The following OTOF variants were observed in gnomAD, a reference collection of about 807,000 sequenced individuals.
OTOF encodes fer-1-like family member 2.
OTOF carries 218 observed loss-of-function variants against 236.8 expected under a neutral mutation model. The ratio of observed to expected loss-of-function variants is 0.92; its 90% CI spans 0.82 to 1.03. The LOEUF (loss-of-function observed/expected upper bound fraction) is 1.03, where lower values mean the gene tolerates loss of function less well. Among genes scored for constraint, OTOF ranks in the 50% least tolerant of loss-of-function variants. OTOF has a pLI of 0.00. For synonymous variants in OTOF, 1,041 were observed against 1,072.5 expected (o/e 0.97, Z 0.57); for missense variants, 2,590 against 2,694.4 (o/e 0.96, Z 0.86).
intron 3 of OTOF, among the ~76,000 whole-genome samples, chr2:26,519,783 T>A (rs1394086315): frequency 2.0e-5 from 3 of 152,320 alleles, no homozygotes; most frequent in Admixed American, 2.0e-4. Context: ...TAAGATGAGC[T>A]GATAAGCCCT....
In OTOF at chr2:26,476,129, G is replaced by A. The variant is rs1414716862; in HGVS notation, c.2865C>T (p.Thr955=). 6.2e-7 allele frequency: 1 copy of A among 1,611,434 alleles called. No homozygotes were observed. The highest frequency in any genetic ancestry group is 8.5e-7 in the Non-Finnish European group (1 of 1,179,470). ...HAFPPVSLVY[T]KKQAFQLRAH... Reference sequence around the variant, plus strand: ...TTCGAGTGAGGGGTCCTCACTCACTGGTGTAGACCAGGCTGACGGGTGGGA... The same window carrying A: ...TTCGAGTGAGGGGTCCTCACTCACTAGTGTAGACCAGGCTGACGGGTGGGA... The change falls in exon 23 of 47, where the codon ACC becomes ACT. Residue 955 remains threonine, a splice_region_variant and synonymous_variant. Transcript: ENST00000272371.
At chr2:26,546,513 G>T (rs900891758) in intron 1 of OTOF, among the ~76,000 whole-genome samples, 1 of 151,746 alleles carries the variant, frequency 6.6e-6, no homozygotes, top group African/African-American at 2.4e-5. Flanking sequence ...GTTGTTCAGG[G>T]GTCAGCTGTG....
Position 26,520,715 on chromosome 2 carries a change from G to T in OTOF, c.228-1606C>A, listed in dbSNP as rs531898013. On this transcript the variant is annotated intron_variant, in intron 3 of 46. Transcript: ENST00000272371. ...GGAGCCCTGGAGCTGCTGCCCCTGAGTCTCAATTTGGTCTTTATAAAATGA... is the reference window on the plus strand; with the variant it reads ...GGAGCCCTGGAGCTGCTGCCCCTGATTCTCAATTTGGTCTTTATAAAATGA... 2.6e-5 allele frequency among the ~76,000 whole-genome samples: 4 copies of T among 152,326 alleles called. No homozygotes were observed. The East Asian group carries it at 7.7e-4, about 29-fold the overall frequency.
At position 26,479,536 on chromosome 2, in the gene OTOF, C is replaced by A. The variant is rs1665464763; in HGVS notation, c.2030G>T (p.Gly677Val). 1 of 1,610,254 alleles carries A rather than the reference C, an allele frequency of 6.2e-7. No individual in the cohort carries two copies. The highest frequency in any genetic ancestry group is 8.5e-7 in the Non-Finnish European group (1 of 1,179,024). Reference protein sequence around the residue: ...LIQNASDDEAGDAGDLASVSS... With the variant: ...LIQNASDDEAVDAGDLASVSS... ...GACTGAGGCCAGGTCCCCGGCATCA[C>A]CGGCCTCGTCATCACTTGCGTTCTG... Residue 677 changes from glycine (G) to valine (V), a missense_variant, in exon 17 of 47, where the codon GGT becomes GTT. Physicochemically the swap from Gly to Val is moderately radical, Grantham distance 109 (BLOSUM62 -3). This residue lies in a region of OTOF where 1,379 missense variants were observed against 1,341.6 expected (regional missense o/e 1.03). Coordinates refer to ENST00000272371, the MANE Select transcript of OTOF (RefSeq NM_194248.3).
At chr2:26,537,954 C>G (rs1667114838) in intron 1 of OTOF, among the ~76,000 whole-genome samples, 180 bp from the exon 2 acceptor site, 1 of 152,206 alleles carries the variant, frequency 6.6e-6, no homozygotes, top group South Asian at 2.1e-4. Flanking sequence ...TCTTCTCTGA[C>G]CCTCTCAGCA....
At chr2:26,501,902 G>C in intron 7 of OTOF, 94 bp from the exon 8 acceptor site, 1 of 889,828 alleles carries the variant, frequency 1.1e-6, no homozygotes, top group East Asian at 2.4e-5. Context: ...AGTGGGCAGA[G>C]GGACAGAATC....
At chr2:26,518,195 C>T (rs1183475698) in intron 4 of OTOF, among the ~76,000 whole-genome samples, 1 of 152,230 alleles carries the variant, frequency 6.6e-6, no homozygotes, top group African/African-American at 2.4e-5. Flanking sequence ...CCATTTTATA[C>T]ATAGGTAAAC....
At position 26,465,952 on chromosome 2, in the gene OTOF, C is replaced by T; in HGVS notation, c.4625G>A (p.Gly1542Glu). ...GGAGGGCACCAAGAAGCCTTACTTCCCAAAGACAGGGTTGAGCTGCTTGGA... is the reference window on the plus strand; with the variant it reads ...GGAGGGCACCAAGAAGCCTTACTTCTCAAAGACAGGGTTGAGCTGCTTGGA... ...YISKQLNPVF[G>E]KSFDIEASFP... Residue 1542 changes from glycine (G) to glutamate (E), a missense_variant, in exon 37 of 47, where the codon GGG becomes GAG. Coordinates refer to ENST00000272371, the MANE Select transcript of OTOF (RefSeq NM_194248.3). 1 of 1,614,212 alleles carries T rather than the reference C, an allele frequency of 6.2e-7. No homozygotes were observed. Among genetic ancestry groups the T allele is most frequent in the Non-Finnish European group, 8.5e-7 (1 of 1,180,036 alleles).
chr2:26,460,993 G>A lies in OTOF; in HGVS notation c.5571C>T (p.Gly1857=), dbSNP rs1301178911. The change falls in exon 44 of 47, where the codon GGC becomes GGT. Residue 1857 remains glycine, a synonymous_variant. Transcript: ENST00000272371. This position sits in a 1 kb window ranked among gnomAD's most constrained non-coding sequence, Gnocchi z 5.3. ...TGGTGCACTGCTTGGCTGTCTTTGC[G>A]CCCCGCGGGAACCGGTTCAGGTCCA... ...IELDLNRFPR[G]AKTAKQCTME... 18 of 1,487,628 alleles carry A rather than the reference G, an allele frequency of 1.2e-5. No individual in the cohort carries two copies. Among genetic ancestry groups the A allele is most frequent in the Middle Eastern group, 1.8e-4 (1 of 5,432 alleles). The allele number at this position is 1,487,628 out of a possible 1,614,324, so 92.2% of individuals were successfully genotyped here. A position where few individuals can be genotyped will look rare whatever the true frequency, so the allele number is the denominator to read the frequency against.
rs1665657772 is a variant in OTOF, at chr2:26,484,647, G to A, written c.1046-14C>T. 6.2e-7 allele frequency: 1 copy of A among 1,613,236 alleles called. No individual in the cohort carries two copies. ...GGAACTGGTGCTCTGCAATGATGAG[G>A]GGTGGGCACTGCACCAGACACCCCC... On this transcript the variant is annotated splice_polypyrimidine_tract_variant and intron_variant, in intron 11 of 46. Coordinates refer to ENST00000272371, the MANE Select transcript of OTOF (RefSeq NM_194248.3).
At chr2:26,504,329 G>C (rs1452469145) in intron 5 of OTOF, among the ~76,000 whole-genome samples, 1 of 152,136 alleles carries the variant, frequency 6.6e-6, no homozygotes, top group Non-Finnish European at 1.5e-5. Flanking sequence ...GAGGACTCAG[G>C]GGCAGAGGCC....
At chr2:26,500,737 G>A (rs546304986) in intron 8 of OTOF, among the ~76,000 whole-genome samples, 1 of 152,298 alleles carries the variant, frequency 6.6e-6, no homozygotes, top group East Asian at 1.9e-4. Flanking sequence ...AGAAAACATG[G>A]CCAGATGTAC....
At position 26,483,680 on chromosome 2, in the gene OTOF, C is replaced by T. The variant is rs1420576186; in HGVS notation, c.1206-32G>A. 1.9e-6 allele frequency: 3 copies of T among 1,597,244 alleles called. No homozygotes were observed. The African/African-American group carries it at 4.0e-5, about 21-fold the overall frequency. Reference sequence around the variant, plus strand: ...GCACATACAGCCAGGGCCATGGTCACCAGGTCCAGGTCCCCAACCCCCATC... The same window carrying T: ...GCACATACAGCCAGGGCCATGGTCATCAGGTCCAGGTCCCCAACCCCCATC... On this transcript the variant is annotated intron_variant, in intron 12 of 46. Transcript: ENST00000272371.
At chr2:26,483,338 C>A in intron 13 of OTOF, 124 bp downstream of exon 13, 1 of 902,414 alleles carries the variant, frequency 1.1e-6, no homozygotes, top group Non-Finnish European at 1.8e-6. Flanking sequence ...CTAAGTCCGT[C>A]CCTGGCCAAC....
At chr2:26,551,481 C>T (rs1280599293) in intron 1 of OTOF, among the ~76,000 whole-genome samples, 1 of 152,234 alleles carries the variant, frequency 6.6e-6, no homozygotes, top group Non-Finnish European at 1.5e-5. Flanking sequence ...GACTCTGGCT[C>T]ACGCACTGGG....
Position 26,474,606 on chromosome 2 carries a change from G to T in OTOF, c.3195C>A (p.Cys1065Ter). The change falls in exon 26 of 47, where the codon TGC (cysteine) becomes TGA (stop). Residue 1065 changes from cysteine to a stop codon, truncating the protein, a stop_gained. Coordinates refer to ENST00000272371, the MANE Select transcript of OTOF (RefSeq NM_194248.3). LOFTEE classifies it high-confidence loss of function. The stretch of plus-strand genomic sequence containing the variant: ...CGAGCTGAGGTGGGAAGCGGGGTGG[G>T]CAGTACGCCTCGTCTGCCATCTTCA... ...PLVKMADEAYCPPRFPPQLEY... is the reference protein window; with the variant it reads ...PLVKMADEAY 1 of 1,613,304 alleles carries T rather than the reference G, an allele frequency of 6.2e-7. No homozygotes were observed. Among genetic ancestry groups the T allele is most frequent in the Non-Finnish European group, 8.5e-7 (1 of 1,179,984 alleles).
chr2:26,553,979 T>G (rs1354211917), intron 1 of OTOF, among the ~76,000 whole-genome samples: 1 of 151,998 alleles, frequency 6.6e-6, no homozygotes, highest in East Asian at 1.9e-4. Context: ...GAGACCAGCC[T>G]GGGAAATATG....
intron 2 of OTOF, among the ~76,000 whole-genome samples, chr2:26,535,566 G>A (rs1667049401): frequency 6.6e-6 from 1 of 152,106 alleles, no homozygotes; most frequent in Non-Finnish European, 1.5e-5. Flanking sequence ...CACTTTCCCC[G>A]GGCAGGAGCC....
chr2:26,463,234 G>A (rs1664566620), intron 41 of OTOF, among the ~76,000 whole-genome samples: 1 of 152,180 alleles, frequency 6.6e-6, no homozygotes, highest in Admixed American at 6.5e-5. Flanking sequence ...GGCTTGTCTC[G>A]CTCACTGATG....
Sources: gnomAD v4.1 joint callset for allele counts (sites outside exome capture counted in the v4.1 genomes callset) on GRCh38, gnomAD v4.1.1 for gene constraint, gnomAD v4.1.1 regional missense constraint, Gnocchi (gnomAD v3.1) non-coding constraint, MANE v1.5 for transcripts, NCBI Gene and HGNC (gene_info 2026-07-23, HGNC 2026-07-21) for gene names.